Variants in COBL observed in about 807,000 individuals in gnomAD.
The protein encoded by COBL is cordon-bleu WH2 repeat protein, also known as protein cordon-bleu.
In COBL, 51 loss-of-function variants were observed where a neutral mutation model predicts 98.8. The ratio of observed to expected loss-of-function variants is 0.52; its 90% CI spans 0.41 to 0.65. The LOEUF is 0.65. Ranked by LOEUF, COBL falls within the 30% of genes least tolerant of loss-of-function variation. The probability of loss-of-function intolerance (pLI) is 0.00; values close to 1 mark genes in which losing one functional copy is unlikely to be tolerated. For missense variants in COBL, 1,617 were observed against 1,617.5 expected, an observed-to-expected ratio of 1.00 and a Z score of 0.01; for synonymous variants, 634 against 651.7, an observed-to-expected ratio of 0.97 and a Z score of 0.41.
Position 51,223,250 on chromosome 7 carries a change from T to C in COBL, c.42-3306A>G, listed in dbSNP as rs569422210. On this transcript the variant is annotated intron_variant, in intron 1 of 12. Transcript: ENST00000265136. Reference sequence around the variant, plus strand: ...CAGCAGAGTGCTGTGAGCATTAGTGTGTACATGCATGTGTGTGTGCCTGCG... The same window carrying C: ...CAGCAGAGTGCTGTGAGCATTAGTGCGTACATGCATGTGTGTGTGCCTGCG... 2.2e-4 allele frequency among the ~76,000 whole-genome samples: 33 copies of C among 152,386 alleles called. No homozygotes were observed. The South Asian group carries it at 6.6e-3, about 31-fold the overall frequency.
At position 51,219,723 on chromosome 7, in the gene COBL, T is replaced by G. The variant is rs760751150; in HGVS notation, c.245+18A>C. ...GCAAAGTGAGTACAGCGACTCCTCC[T>G]GCAGCACCGGCTCTCACCTCCCATT... On this transcript the variant is annotated intron_variant, in intron 2 of 12. Coordinates refer to ENST00000265136, the MANE Select transcript of COBL (RefSeq NM_015198.5). 1.2e-6 allele frequency: 2 copies of G among 1,611,156 alleles called. No individual in the cohort carries two copies. The highest frequency in any genetic ancestry group is 1.7e-6 in the Non-Finnish European group (2 of 1,178,326).
intron 6 of COBL, among the ~76,000 whole-genome samples, chr7:51,122,458 G>A (rs11768473): frequency 0.25 from 37,999 of 152,070 alleles, 5,333 homozygotes; most frequent in Middle Eastern, 0.43. Flanking sequence ...GCAGCTGGAC[G>A]CCAGAGATGA....
intron 1 of COBL, among the ~76,000 whole-genome samples, chr7:51,223,890 C>T (rs371178641): frequency 2.2e-4 from 33 of 152,332 alleles, no homozygotes; most frequent in Admixed American, 1.0e-3. Flanking sequence ...CATTTGTATT[C>T]TCAATATGTA....
intron 8 of COBL, among the ~76,000 whole-genome samples, chr7:51,041,894 T>C (rs763075342): frequency 6.6e-6 from 1 of 152,196 alleles, no homozygotes; most frequent in Non-Finnish European, 1.5e-5. Flanking sequence ...TATGCCTTTC[T>C]ATATAATAAA....
intron 5 of COBL, among the ~76,000 whole-genome samples, chr7:51,137,226 G>T (rs1022993461): frequency 6.6e-6 from 1 of 152,202 alleles, no homozygotes; most frequent in Non-Finnish European, 1.5e-5. Flanking sequence ...TAAGCCCACA[G>T]ACCTTGGAGA....
chr7:51,253,269 A>C (rs1364718844), intron 1 of COBL, among the ~76,000 whole-genome samples: 5 of 152,214 alleles, frequency 3.3e-5, no homozygotes, highest in Non-Finnish European at 7.3e-5. Flanking sequence ...TGAATTTATT[A>C]AGGTGACATT....
At chr7:51,195,170 T>C (rs924362688) in intron 2 of COBL, among the ~76,000 whole-genome samples, 4 of 152,210 alleles carry the variant, frequency 2.6e-5, no homozygotes, top group Non-Finnish European at 5.9e-5. Flanking sequence ...AAGTCTTTAA[T>C]CCATCTTGAG....
At chr7:51,242,196 T>C (rs1795850734) in intron 1 of COBL, among the ~76,000 whole-genome samples, 1 of 152,164 alleles carries the variant, frequency 6.6e-6, no homozygotes, top group Non-Finnish European at 1.5e-5. Flanking sequence ...AGCCTCTGAT[T>C]GGTCCCCTCC....
rs1798196043 is a variant in COBL, at chr7:51,266,336, T to C, written c.42-46392A>G. ...GCTCAAGCCTATAATCCCAGCATTC[T>C]GGGAGGCCGAGGCAGGTGGATCACC... is the stretch of plus-strand genomic sequence containing the variant. On this transcript the variant is annotated intron_variant, in intron 1 of 12. Transcript: ENST00000265136. Among the ~76,000 whole-genome samples the C allele has an allele frequency of 2.0e-5, 3 of 152,228 alleles. No individual in the cohort carries two copies. The South Asian group carries it at 6.2e-4, about 32-fold the overall frequency.
chr7:51,229,784 C>T (rs762029608), intron 1 of COBL, among the ~76,000 whole-genome samples: 1 of 152,256 alleles, frequency 6.6e-6, no homozygotes, highest in East Asian at 1.9e-4. Context: ...GCTTGAAAGC[C>T]GTATTTGGTT....
At chr7:51,277,140 A>G (rs537429265) in intron 1 of COBL, among the ~76,000 whole-genome samples, 132 of 152,304 alleles carry the variant, frequency 8.7e-4, no homozygotes, top group African/African-American at 3.1e-3. Flanking sequence ...GCTCATTGCC[A>G]AGGCACAGAA....
chr7:51,129,776 G>C (rs1452884705), intron 6 of COBL, among the ~76,000 whole-genome samples: 2 of 152,150 alleles, frequency 1.3e-5, no homozygotes, highest in Non-Finnish European at 2.9e-5. Context: ...AGGCTCTGCT[G>C]GGTGTGGGGA....
intron 5 of COBL, among the ~76,000 whole-genome samples, chr7:51,146,694 C>G (rs1057324414): frequency 2.0e-5 from 3 of 151,902 alleles, no homozygotes; most frequent in Admixed American, 2.0e-4. Flanking sequence ...TTCTAGGAAG[C>G]TGGGAGAGTT....
At chr7:51,299,027 C>T (rs1315202132) in intron 1 of COBL, among the ~76,000 whole-genome samples, 1 of 152,232 alleles carries the variant, frequency 6.6e-6, no homozygotes, top group African/African-American at 2.4e-5. Flanking sequence ...TTTCCTCACC[C>T]ATGAATGGCA....
At chr7:51,262,812 G>GCTGTCCTT (rs996237984) in intron 1 of COBL, among the ~76,000 whole-genome samples, 5 of 152,176 alleles carry the variant, frequency 3.3e-5, no homozygotes, top group African/African-American at 9.7e-5. Flanking sequence ...TAATGAAGAA[G>GCTGTCCTT]CTGTCCTTCC....
intron 12 of COBL, among the ~76,000 whole-genome samples, chr7:51,019,638 C>T (rs1203597790): frequency 3.9e-5 from 6 of 152,272 alleles, no homozygotes; most frequent in Admixed American, 2.0e-4. Flanking sequence ...GGCTCCTCCC[C>T]GTTCTACCTG....
intron 12 of COBL, among the ~76,000 whole-genome samples, chr7:51,024,249 C>T (rs1787263758): frequency 6.6e-6 from 1 of 152,026 alleles, no homozygotes; most frequent in African/African-American, 2.4e-5. Context: ...GCGGAGCTTG[C>T]AGTGAGCCGA....
At chr7:51,234,797 G>T (rs1017032260) in intron 1 of COBL, among the ~76,000 whole-genome samples, 2 of 152,116 alleles carry the variant, frequency 1.3e-5, no homozygotes, top group Middle Eastern at 3.2e-3. Context: ...CAGCAGGCTG[G>T]ACTAGACCAG....
intron 1 of COBL, among the ~76,000 whole-genome samples, chr7:51,313,828 C>A (rs935834869): frequency 3.3e-5 from 5 of 152,220 alleles, no homozygotes; most frequent in Non-Finnish European, 7.3e-5. Flanking sequence ...CAAAACCTCA[C>A]CAAAAGGCAA....
Sources: allele counts gnomAD v4.1 joint callset (sites outside exome capture counted in the v4.1 genomes callset), GRCh38; gene constraint gnomAD v4.1.1; transcripts MANE v1.5; gene names NCBI Gene and HGNC (gene_info 2026-07-23, HGNC 2026-07-21).